CSMD3: variants seen among roughly 807,000 people sequenced by gnomAD.
CSMD3 encodes CUB and Sushi multiple domains 3.
A neutral mutation model predicts 435.2 loss-of-function variants in CSMD3; 177 were observed. That is an observed-to-expected ratio of 0.41 (90% CI 0.36 to 0.46). CSMD3 has a LOEUF of 0.46. Among genes scored for constraint, CSMD3 ranks in the 20% least tolerant of loss-of-function variants. The probability of loss-of-function intolerance (pLI) is 0.34; values close to 1 mark genes in which losing one functional copy is unlikely to be tolerated. For synonymous variants in CSMD3, 1,656 were observed against 1,520.5 expected (o/e 1.09, Z -2.07); for missense variants, 4,265 against 4,504.6 (o/e 0.95, Z 1.52).
chr8:112,872,339 G>T (rs1247026839), intron 10 of CSMD3, among the ~76,000 whole-genome samples: 1 of 151,950 alleles, frequency 6.6e-6, no homozygotes, highest in Non-Finnish European at 1.5e-5. Context: ...ATCCATGTCT[G>T]CACTAAAAGA....
intron 66 of CSMD3, among the ~76,000 whole-genome samples, chr8:112,241,396 A>C (rs935392735): frequency 7.2e-5 from 11 of 152,090 alleles, no homozygotes; most frequent in Non-Finnish European, 1.3e-4. Context: ...AAACATATAC[A>C]TTTAAAAATG....
intron 24 of CSMD3, among the ~76,000 whole-genome samples, chr8:112,571,960 T>C (rs1431650937): frequency 1.3e-5 from 2 of 151,594 alleles, no homozygotes; most frequent in Admixed American, 6.6e-5. Flanking sequence ...AAACATTGTG[T>C]CATGCATTTC....
At chr8:112,593,897 G>T (rs1436419168) in intron 22 of CSMD3, among the ~76,000 whole-genome samples, 5 of 151,946 alleles carry the variant, frequency 3.3e-5, no homozygotes, top group African/African-American at 1.2e-4. Context: ...TGAAGGAAGG[G>T]TCTTTTTGTT....
chr8:113,081,188 G>A (rs890891253), intron 5 of CSMD3, among the ~76,000 whole-genome samples: 2 of 152,110 alleles, frequency 1.3e-5, no homozygotes, highest in African/African-American at 4.8e-5. Context: ...CAAATTGGGT[G>A]GCTTTAAATA....
chr8:112,334,716 T>C (rs1304704235), intron 45 of CSMD3, among the ~76,000 whole-genome samples: 4 of 152,194 alleles, frequency 2.6e-5, no homozygotes, highest in Admixed American at 2.6e-4. Context: ...CTTCTGAATG[T>C]CCTTTCAAAA....
chr8:112,447,954 A>G (rs574295470), intron 32 of CSMD3, among the ~76,000 whole-genome samples: 2 of 152,286 alleles, frequency 1.3e-5, no homozygotes, highest in South Asian at 2.1e-4. Context: ...TGTGTATGTC[A>G]CCTTATTTGG....
At chr8:113,086,246 CAAAA>C (rs796175442) in intron 5 of CSMD3, among the ~76,000 whole-genome samples, 1 of 111,516 alleles carries the variant, frequency 9.0e-6, no homozygotes. Context: ...GAGACTCCGT[CAAAA>C]AAAAAAAAAA....
chr8:113,236,280 C>T (rs2093148053), intron 3 of CSMD3, among the ~76,000 whole-genome samples: 1 of 152,176 alleles, frequency 6.6e-6, no homozygotes, highest in African/African-American at 2.4e-5. Context: ...AGAGATTCCC[C>T]TTAAGGCACT....
intron 5 of CSMD3, among the ~76,000 whole-genome samples, chr8:113,039,025 A>T (rs1160298875): frequency 6.6e-6 from 1 of 152,186 alleles, no homozygotes. Flanking sequence ...ATGTATTTTT[A>T]AAAATAAAAT....
intron 13 of CSMD3, among the ~76,000 whole-genome samples, chr8:112,788,939 T>C (rs557974019): frequency 1.8e-4 from 27 of 152,246 alleles, no homozygotes; most frequent in Admixed American, 3.3e-4. Context: ...AACATTTTCA[T>C]GAGTCATGCT....
At position 112,603,231 on chromosome 8, in the gene CSMD3, C is replaced by G. The variant is rs1483753194; in HGVS notation, c.3716-15996G>C. 3.3e-5 allele frequency among the ~76,000 whole-genome samples: 5 copies of G among 152,328 alleles called. No individual in the cohort carries two copies. The East Asian group carries it at 9.6e-4, about 29-fold the overall frequency. On this transcript the variant is annotated intron_variant, in intron 22 of 70. Coordinates refer to ENST00000297405, the MANE Select transcript of CSMD3 (RefSeq NM_198123.2). Reference sequence around the variant, plus strand: ...GACATTTTTCTGCTTCTTGGAAGTACTTCCAGCATTGCTAGTGTCACTTCA... The same window carrying G: ...GACATTTTTCTGCTTCTTGGAAGTAGTTCCAGCATTGCTAGTGTCACTTCA...
At chr8:113,375,870 AAACTT>A (rs1304227818) in intron 1 of CSMD3, among the ~76,000 whole-genome samples, 8 of 152,216 alleles carry the variant, frequency 5.3e-5, no homozygotes, top group Non-Finnish European at 1.2e-4. Flanking sequence ...TACTTAAAGA[AAACTT>A]AAAATAAGTA....
chr8:112,999,113 C>A (rs1213176278), intron 6 of CSMD3, among the ~76,000 whole-genome samples: 1 of 151,860 alleles, frequency 6.6e-6, no homozygotes, highest in African/African-American at 2.4e-5. Context: ...CCTCTACTCA[C>A]TCAGCATATA....
intron 32 of CSMD3, among the ~76,000 whole-genome samples, chr8:112,455,732 C>T (rs939091035): frequency 2.0e-5 from 3 of 151,226 alleles, no homozygotes; most frequent in African/African-American, 7.3e-5. Context: ...GAAACTGAGA[C>T]CCAAAGACAT....
In CSMD3 at chr8:112,656,284, C is replaced by T. The variant is rs373945894; in HGVS notation, c.2874G>A (p.Leu958=). ...CATTGTAAGATCCAAGCAAGGGTGACAGAAGATTTGGCCCATCATGAACTT... is the reference window on the plus strand; with the variant it reads ...CATTGTAAGATCCAAGCAAGGGTGATAGAAGATTTGGCCCATCATGAACTT... ...VLEVHDGPNL[L]SPLLGSYNGT... is the part of the protein sequence containing the mutation. The change falls in exon 18 of 71, where the codon CTG becomes CTA. Residue 958 remains leucine, a synonymous_variant. Transcript: ENST00000297405. 2.5e-6 allele frequency: 4 copies of T among 1,613,422 alleles called. No individual in the cohort carries two copies. The African/African-American group carries it at 5.3e-5, about 22-fold the overall frequency.
At chr8:112,772,803 A>G (rs1035174031) in intron 13 of CSMD3, among the ~76,000 whole-genome samples, 3 of 152,090 alleles carry the variant, frequency 2.0e-5, no homozygotes, top group Admixed American at 2.0e-4. Context: ...TCTTTAATGC[A>G]TTGAGATGTT....
intron 38 of CSMD3, among the ~76,000 whole-genome samples, chr8:112,358,152 C>T (rs1252919887): frequency 6.6e-6 from 1 of 152,112 alleles, no homozygotes; most frequent in Non-Finnish European, 1.5e-5. Context: ...ATATGACTGC[C>T]CCATTTGATT....
In CSMD3 at chr8:113,371,661, G is replaced by T. The variant is rs549707904; in HGVS notation, c.179-56868C>A. ...TTATCACAATAAATCATAGTGGGATGCAGGCAACGAATCACAGATCAATTA... is the reference window on the plus strand; with the variant it reads ...TTATCACAATAAATCATAGTGGGATTCAGGCAACGAATCACAGATCAATTA... On this transcript the variant is annotated intron_variant, in intron 1 of 70. Transcript: ENST00000297405. Among the ~76,000 whole-genome samples the T allele has an allele frequency of 1.1e-4, 16 of 152,284 alleles. No individual in the cohort carries two copies. In the East Asian group the frequency reaches 2.7e-3, roughly 26 times the overall value.
At position 113,183,139 on chromosome 8, in the gene CSMD3, C is replaced by A. The variant is rs2092448310; in HGVS notation, c.515-9223G>T. Among the ~76,000 whole-genome samples, 5 of 152,040 alleles carry A rather than the reference C, an allele frequency of 3.3e-5. No individual in the cohort carries two copies. In the South Asian group the frequency reaches 1.0e-3, roughly 32 times the overall value. On this transcript the variant is annotated intron_variant, in intron 3 of 70. Coordinates refer to ENST00000297405, the MANE Select transcript of CSMD3 (RefSeq NM_198123.2). Reference sequence around the variant, plus strand: ...CCTTTCTCCTGCATCCTGTAGTCCCCTGGCATTTTCTTCTGAATAGTTCTT... The same window carrying A: ...CCTTTCTCCTGCATCCTGTAGTCCCATGGCATTTTCTTCTGAATAGTTCTT...
Sources: gnomAD v4.1 joint callset for allele counts (sites outside exome capture counted in the v4.1 genomes callset) on GRCh38, gnomAD v4.1.1 for gene constraint, MANE v1.5 for transcripts, NCBI Gene and HGNC (gene_info 2026-07-23, HGNC 2026-07-21) for gene names.